CCDC9: variants seen among roughly 807,000 people sequenced by gnomAD.
CCDC9 encodes coiled-coil domain-containing protein 9.
CCDC9 carries 52 observed loss-of-function variants against 65.6 expected under a neutral mutation model. The ratio of observed to expected loss-of-function variants is 0.79; its 90% CI spans 0.63 to 1.00. The LOEUF (loss-of-function observed/expected upper bound fraction) is 1.00, where lower values mean the gene tolerates loss of function less well. Among genes scored for constraint, CCDC9 ranks in the 50% least tolerant of loss-of-function variants. The pLI, the probability that CCDC9 is intolerant of heterozygous loss-of-function variation, is 0.00. For synonymous variants in CCDC9, 332 were observed against 280.3 expected, an observed-to-expected ratio of 1.18 and a Z score of -1.84; for missense variants, 834 against 757.2, an observed-to-expected ratio of 1.10 and a Z score of -1.19.
downstream of CCDC9, chr19:47,273,764 C>T (rs1439149012): frequency 3.1e-6 from 1 of 324,556 alleles, no homozygotes; most frequent in African/African-American, 2.1e-5. Flanking sequence ...GCCTGGCAGC[C>T]GGTGACACTT....
chr19:47,264,707 C>T (rs201629819), intron 6 of CCDC9, 21 bp downstream of exon 6: 27 of 1,601,878 alleles, frequency 1.7e-5, no homozygotes, highest in African/African-American at 2.7e-5. Flanking sequence ...CGGGTGTCCC[C>T]GAGGCAGGGC....
Position 47,260,343 on chromosome 19 carries a change from A to G in CCDC9, c.131A>G (p.Lys44Arg). 1 of 1,596,882 alleles carries G rather than the reference A, an allele frequency of 6.3e-7. No individual in the cohort carries two copies. The highest frequency in any genetic ancestry group is 1.3e-5 in the African/African-American group (1 of 74,680). ...RYQEIEEDRK[K>R]AELEGVAVTA... ...TAGGAGATTGAGGAAGACCGTAAGA[A>G]AGCTGAACTTGAGGGAGTCGCAGTC... is the stretch of plus-strand genomic sequence containing the variant. The change falls in exon 4 of 12, where the codon AAA becomes AGA. Residue 44 changes from lysine to arginine, a missense_variant. Physicochemically the swap from Lys to Arg is conservative, Grantham distance 26 (BLOSUM62 2). Transcript: ENST00000221922.
At chr19:47,275,029 TC>T (rs2059148462), downstream of CCDC9, 2 of 1,488,280 alleles carry the variant, frequency 1.3e-6, no homozygotes, top group Non-Finnish European at 1.8e-6. Context: ...TGCGCCTACT[TC>T]CTCTGCGTCT....
At chr19:47,263,049 G>A (rs2059056002) in intron 5 of CCDC9, among the ~76,000 whole-genome samples, 1 of 114,628 alleles carries the variant, frequency 8.7e-6, no homozygotes, top group African/African-American at 3.1e-5. Context: ...AGTGAGCTGT[G>A]AACACACACC....
chr19:47,261,016 C>T (rs866093053), intron 5 of CCDC9, among the ~76,000 whole-genome samples, 177 bp downstream of exon 5: 13 of 152,022 alleles, frequency 8.6e-5, no homozygotes, highest in Admixed American at 3.9e-4. Context: ...CTCCTGCTCC[C>T]CCTCTTCTAG....
chr19:47,269,138 A>G (rs1352040770), intron 8 of CCDC9, among the ~76,000 whole-genome samples: 1 of 152,050 alleles, frequency 6.6e-6, no homozygotes, highest in Non-Finnish European at 1.5e-5. Context: ...TCTTGCTTTC[A>G]TCAGCATATA....
downstream of CCDC9, chr19:47,274,979 C>G: frequency 6.9e-7 from 1 of 1,455,390 alleles, no homozygotes; most frequent in Non-Finnish European, 9.0e-7. Flanking sequence ...CGGGGCTGAG[C>G]GAGGGCCCGC....
chr19:47,260,688 G>A lies in CCDC9; in HGVS notation c.311G>A (p.Gly104Asp). Residue 104 changes from glycine (G) to aspartate (D), a missense_variant, in exon 5 of 12, where the codon GGC (glycine) becomes GAC (aspartate). Physicochemically the swap from Gly to Asp is moderately conservative, Grantham distance 94. Coordinates refer to ENST00000221922, the MANE Select transcript of CCDC9 (RefSeq NM_015603.3). ...CCTCCACAGCAGGGAGGCCGGGCCG[G>A]CATGGGCCGAGCATCGCGCAGCTGG... ...RTPPQQGGRA[G>D]MGRASRSWEG... The A allele has an allele frequency of 1.3e-6, 2 of 1,555,990 alleles. No homozygotes were observed. Among genetic ancestry groups the A allele is most frequent in the East Asian group, 2.2e-5 (1 of 44,492 alleles).
intron 10 of CCDC9, 81 bp from the exon 11 acceptor site, chr19:47,271,001 C>T (rs1433060168): frequency 1.2e-5 from 13 of 1,081,144 alleles, no homozygotes; most frequent in Non-Finnish European, 1.8e-5. Context: ...GCAGCTCCTC[C>T]CTAGGGAGGG....
chr19:47,268,639 C>T (rs1176654611), intron 8 of CCDC9, among the ~76,000 whole-genome samples: 3 of 152,028 alleles, frequency 2.0e-5, no homozygotes, highest in African/African-American at 4.8e-5. Context: ...TTGTGTGGGC[C>T]GGGTGCAGTG....
intron 1 of CCDC9, among the ~76,000 whole-genome samples, chr19:47,257,290 G>A (rs2059016725): frequency 6.6e-6 from 1 of 151,624 alleles, no homozygotes; most frequent in South Asian, 2.1e-4. Flanking sequence ...TGACTGGGCA[G>A]GCCGGGGGCG....
intron 5 of CCDC9, among the ~76,000 whole-genome samples, chr19:47,262,647 C>T (rs2059053940): frequency 6.6e-6 from 1 of 152,152 alleles, no homozygotes; most frequent in African/African-American, 2.4e-5. Context: ...CACTTTTGGT[C>T]ATGTCCTGTT....
At chr19:47,257,309 A>G (rs1222951150) in intron 1 of CCDC9, among the ~76,000 whole-genome samples, 2 of 149,888 alleles carry the variant, frequency 1.3e-5, no homozygotes, top group East Asian at 3.9e-4. Context: ...CGGGGCTGGA[A>G]TAATAATAAG....
At chr19:47,259,655 A>T (rs571290827) in intron 3 of CCDC9, among the ~76,000 whole-genome samples, 30 of 152,280 alleles carry the variant, frequency 2.0e-4, no homozygotes, top group African/African-American at 7.0e-4. Flanking sequence ...CATTCATTTT[A>T]AAAAAGGCAT....
At position 47,270,607 on chromosome 19, in the gene CCDC9, C is replaced by T; in HGVS notation, c.1004C>T (p.Ser335Phe). 1 of 1,613,546 alleles carries T rather than the reference C, an allele frequency of 6.2e-7. No individual in the cohort carries two copies. Among genetic ancestry groups the T allele is most frequent in the South Asian group, 1.1e-5 (1 of 91,042 alleles). Residue 335 changes from serine to phenylalanine, a missense_variant, in exon 10 of 12, where the codon TCC (serine) becomes TTC (phenylalanine). By Grantham distance (155) the Ser-to-Phe change is radical. Coordinates refer to ENST00000221922, the MANE Select transcript of CCDC9 (RefSeq NM_015603.3). ...PKPPTFGEFL[S>F]QHKAEASSRR... is the part of the protein sequence containing the mutation. Reference sequence around the variant, plus strand: ...CCCCCTACTTTTGGGGAGTTCCTGTCCCAGCACAAAGCTGAGGCCAGCAGC... The same window carrying T: ...CCCCCTACTTTTGGGGAGTTCCTGTTCCAGCACAAAGCTGAGGCCAGCAGC...
At position 47,271,439 on chromosome 19, in the gene CCDC9, C is replaced by T. The variant is rs765561910; in HGVS notation, c.1357C>T (p.Pro453Ser). The T allele has an allele frequency of 1.5e-5, 24 of 1,613,798 alleles. No homozygotes were observed. In the Admixed American group the frequency reaches 3.7e-4, roughly 25 times the overall value. ...GGAACCAGCCCAAGACCACCAAGCC[C>T]CAGAGGCTGCCCCCACCGGGATCCC... ...EEEPAQDHQA[P>S]EAAPTGIPCS... The change falls in exon 12 of 12, where the codon CCA becomes TCA. Residue 453 changes from proline to serine, a missense_variant. Coordinates refer to ENST00000221922, the MANE Select transcript of CCDC9 (RefSeq NM_015603.3).
At chr19:47,275,716 T>C (rs150844815), downstream of CCDC9, 12 of 267,736 alleles carry the variant, frequency 4.5e-5, no homozygotes, top group Admixed American at 6.6e-4. Flanking sequence ...TCTGTCCTGT[T>C]GTCTGCAGAG....
At chr19:47,259,784 A>C (rs1432696507) in intron 3 of CCDC9, among the ~76,000 whole-genome samples, 1 of 152,204 alleles carries the variant, frequency 6.6e-6, no homozygotes, top group African/African-American at 2.4e-5. Flanking sequence ...TAGTGGAGGA[A>C]GCAGACAGTG....
Position 47,266,755 on chromosome 19 carries a change from T to C in CCDC9, c.865T>C (p.Trp289Arg). 3 of 1,611,218 alleles carry C rather than the reference T, an allele frequency of 1.9e-6. No individual in the cohort carries two copies. The highest frequency in any genetic ancestry group is 2.5e-6 in the Non-Finnish European group (3 of 1,178,770). ...LQRHRKPTGQ[W>R]RREWDAEKTD... is the part of the protein sequence containing the mutation. ...GAGGCACCGCAAGCCCACTGGCCAG[T>C]GGAGGCGCGAGTGGGATGCCGAGAA... The change falls in exon 8 of 12, where the codon TGG (tryptophan) becomes CGG (arginine). Residue 289 changes from tryptophan to arginine, a missense_variant. Trp to Arg is a moderately radical substitution (Grantham distance 101). Transcript: ENST00000221922.
Sources: gnomAD v4.1 joint callset for allele counts (sites outside exome capture counted in the v4.1 genomes callset) on GRCh38, gnomAD v4.1.1 for gene constraint, MANE v1.5 for transcripts, NCBI Gene and HGNC (gene_info 2026-07-23, HGNC 2026-07-21) for gene names.